SCAPER: variants seen among roughly 807,000 people sequenced by gnomAD.
The protein encoded by SCAPER is S phase cyclin A-associated protein in the endoplasmic reticulum.
A neutral mutation model predicts 182.2 loss-of-function variants in SCAPER; 98 were observed. That is an observed-to-expected ratio of 0.54 (90% CI 0.46 to 0.64). The LOEUF (loss-of-function observed/expected upper bound fraction) is 0.64. SCAPER is among the 30% of genes least tolerant of loss of function. The probability of loss-of-function intolerance (pLI) is 0.00; values close to 1 mark genes in which losing one functional copy is unlikely to be tolerated. For missense variants in SCAPER, 1,432 were observed against 1,690.0 expected (o/e 0.85, Z 2.68); for synonymous variants, 605 against 564.6 (o/e 1.07, Z -1.01).
chr15:76,892,507 G>A (rs181304983), intron 1 of SCAPER, among the ~76,000 whole-genome samples: 242 of 152,238 alleles, frequency 1.6e-3, no homozygotes, highest in African/African-American at 5.5e-3. Context: ...AAAAGTGGGC[G>A]AAGGATATGA....
intron 21 of SCAPER, among the ~76,000 whole-genome samples, chr15:76,642,576 T>C (rs754006778): frequency 1.4e-4 from 22 of 152,178 alleles, no homozygotes; most frequent in Non-Finnish European, 3.1e-4. Context: ...ATCAGTAAAA[T>C]AACCTGCTAT....
chr15:76,684,843 GA>G (rs1363402464), intron 20 of SCAPER, among the ~76,000 whole-genome samples: 1 of 151,354 alleles, frequency 6.6e-6, no homozygotes, highest in African/African-American at 2.4e-5. Flanking sequence ...AAATTTCAAA[GA>G]AAAGACAATC....
At chr15:76,686,242 C>A (rs142345112) in intron 20 of SCAPER, among the ~76,000 whole-genome samples, 1 of 151,944 alleles carries the variant, frequency 6.6e-6, no homozygotes, top group African/African-American at 2.4e-5. Flanking sequence ...TAGAACTCAA[C>A]AGAAAAGGGG....
intron 23 of SCAPER, among the ~76,000 whole-genome samples, chr15:76,529,752 T>A (rs1432365424): frequency 6.6e-6 from 1 of 152,226 alleles, no homozygotes; most frequent in African/African-American, 2.4e-5. Flanking sequence ...GCCATGAGGC[T>A]GGAGCAGAGT....
intron 5 of SCAPER, among the ~76,000 whole-genome samples, chr15:76,822,455 C>A (rs1001559093): frequency 1.6e-4 from 24 of 152,230 alleles, no homozygotes; most frequent in African/African-American, 5.8e-4. Context: ...CTCTGCACAA[C>A]TTAAAACCAG....
At chr15:76,562,474 G>C (rs62030373) in intron 23 of SCAPER, among the ~76,000 whole-genome samples, 10,229 of 152,128 alleles carry the variant, frequency 0.067, 383 homozygotes, top group Middle Eastern at 0.11. Flanking sequence ...ATTTGAACAG[G>C]CATGTCACAA....
intron 21 of SCAPER, among the ~76,000 whole-genome samples, chr15:76,635,539 T>C (rs544236067): frequency 2.6e-5 from 4 of 151,720 alleles, no homozygotes; most frequent in East Asian, 1.9e-4. Flanking sequence ...CCTTGCCAAT[T>C]TGGATACTTC....
intron 22 of SCAPER, among the ~76,000 whole-genome samples, chr15:76,612,197 C>G (rs1040935623): frequency 6.6e-6 from 1 of 152,128 alleles, no homozygotes. Context: ...TTTAGAAAAT[C>G]CCAGTCTCAG....
intron 25 of SCAPER, among the ~76,000 whole-genome samples, chr15:76,470,096 G>T (rs2050020256): frequency 6.6e-6 from 1 of 151,798 alleles, no homozygotes; most frequent in Admixed American, 6.6e-5. Flanking sequence ...TGACTGTAAG[G>T]GCTTCATAAT....
chr15:76,513,588 A>G (rs1219095969), intron 23 of SCAPER, among the ~76,000 whole-genome samples: 2 of 152,178 alleles, frequency 1.3e-5, no homozygotes, highest in Admixed American at 1.3e-4. Context: ...AAGCTTCCCC[A>G]TCTCTTGTTC....
At chr15:76,643,570 T>G (rs2054282449) in intron 21 of SCAPER, among the ~76,000 whole-genome samples, 1 of 152,122 alleles carries the variant, frequency 6.6e-6, no homozygotes, top group Non-Finnish European at 1.5e-5. Context: ...TAGTCCCAGC[T>G]ACTCGGGAGG....
intron 27 of SCAPER, among the ~76,000 whole-genome samples, chr15:76,392,458 A>T (rs1257147577): frequency 2.0e-5 from 3 of 152,198 alleles, no homozygotes; most frequent in African/African-American, 7.2e-5. Flanking sequence ...AACCAGGGCT[A>T]GGCATGGTGG....
Position 76,389,290 on chromosome 15 carries a change from C to G in SCAPER, c.3468-7675G>C, listed in dbSNP as rs539388093. Among the ~76,000 whole-genome samples, 116 of 151,514 alleles carry G rather than the reference C, an allele frequency of 7.7e-4. 1 individual carries two copies. Among genetic ancestry groups the G allele is most frequent in the African/African-American group, 2.7e-3 (112 of 41,300 alleles). ...CTGAGGTGGGCGGATCACCTGAGGT[C>G]AGGAGTTCAACACCAGCCTGGCCAA... On this transcript the variant is annotated intron_variant, in intron 27 of 31. Transcript: ENST00000563290.
Position 76,822,564 on chromosome 15 carries a change from G to A in SCAPER, c.394-17931C>T, listed in dbSNP as rs574826720. Among the ~76,000 whole-genome samples, 5 of 152,286 alleles carry A rather than the reference G, an allele frequency of 3.3e-5. No homozygotes were observed. The South Asian group carries it at 1.0e-3, about 32-fold the overall frequency. ...GATAAATTTTAAATTGTCTGGATCT[G>A]ACAGAAAATCATATTCAAATCAGCT... is the stretch of plus-strand genomic sequence containing the variant. On this transcript the variant is annotated intron_variant, in intron 5 of 31. Coordinates refer to ENST00000563290, the MANE Select transcript of SCAPER (RefSeq NM_020843.4).
chr15:76,369,983 G>A (rs1386501150), intron 29 of SCAPER, among the ~76,000 whole-genome samples: 2 of 152,262 alleles, frequency 1.3e-5, no homozygotes, highest in Admixed American at 6.5e-5. Context: ...CCGTCATTGG[G>A]CTCCCTCTAC....
chr15:76,558,257 C>G (rs1043588484), intron 23 of SCAPER, among the ~76,000 whole-genome samples: 1 of 152,118 alleles, frequency 6.6e-6, no homozygotes, highest in Non-Finnish European at 1.5e-5. Flanking sequence ...GCATCTAACA[C>G]AAGTCTAATA....
intron 25 of SCAPER, among the ~76,000 whole-genome samples, chr15:76,457,706 A>G (rs1490932908): frequency 6.6e-6 from 1 of 152,222 alleles, no homozygotes; most frequent in Non-Finnish European, 1.5e-5. Context: ...AATAATATGC[A>G]GTACACTTTA....
At chr15:76,770,965 T>C (rs148239541) in intron 10 of SCAPER, among the ~76,000 whole-genome samples, 99 of 152,258 alleles carry the variant, frequency 6.5e-4, no homozygotes, top group African/African-American at 2.2e-3. Context: ...ATCTCTACTG[T>C]TATTATCCCT....
intron 22 of SCAPER, among the ~76,000 whole-genome samples, chr15:76,604,397 T>C (rs2050177016): frequency 8.3e-6 from 1 of 120,368 alleles, no homozygotes; most frequent in Admixed American, 9.6e-5. Flanking sequence ...TCTGTTTCGG[T>C]ACCAGTACCA....
Sources: gnomAD v4.1 joint callset for allele counts (sites outside exome capture counted in the v4.1 genomes callset) on GRCh38, gnomAD v4.1.1 for gene constraint, MANE v1.5 for transcripts, NCBI Gene and HGNC (gene_info 2026-07-23, HGNC 2026-07-21) for gene names.